The following ASAP1 variants were observed in gnomAD, a reference collection of about 807,000 sequenced individuals.
The protein encoded by ASAP1 is ArfGAP with SH3 domain, ankyrin repeat and PH domain 1.
ASAP1 carries 43 observed loss-of-function variants against 145.2 expected under a neutral mutation model. The observed-to-expected ratio is 0.30, with a 90% CI of 0.23 to 0.38. The LOEUF is 0.38. Among genes scored for constraint, ASAP1 ranks in the 10% least tolerant of loss-of-function variants. The pLI, the probability that ASAP1 is intolerant of heterozygous loss-of-function variation, is 1.00. For missense variants in ASAP1, 1,018 were observed against 1,355.3 expected, an observed-to-expected ratio of 0.75 and a Z score of 3.91; for synonymous variants, 546 against 515.5, an observed-to-expected ratio of 1.06 and a Z score of -0.80.
intron 13 of ASAP1, 38 bp from the exon 14 acceptor site, chr8:130,137,076 T>C (rs1479986647): frequency 1.9e-6 from 3 of 1,545,226 alleles, no homozygotes; most frequent in South Asian, 1.1e-5. Flanking sequence ...TACATGCAGC[T>C]CCACTCTCTT....
At chr8:130,369,793 C>T (rs1200088724) in intron 2 of ASAP1, among the ~76,000 whole-genome samples, 3 of 152,190 alleles carry the variant, frequency 2.0e-5, no homozygotes, top group African/African-American at 4.8e-5. Context: ...GGTGGAGTAG[C>T]TTTGAAAGAC....
intron 5 of ASAP1, among the ~76,000 whole-genome samples, chr8:130,192,363 C>G (rs1310301948): frequency 6.6e-6 from 1 of 151,604 alleles, no homozygotes; most frequent in Non-Finnish European, 1.5e-5. Flanking sequence ...TAAAAAGGCT[C>G]TTGGGGAAAA....
intron 27 of ASAP1, 35 bp downstream of exon 27, chr8:130,076,313 T>A (rs1408966556): frequency 6.4e-7 from 1 of 1,552,456 alleles, no homozygotes; most frequent in Non-Finnish European, 8.8e-7. Context: ...AGTGACACTT[T>A]AATTACATGT....
intron 18 of ASAP1, 39 bp downstream of exon 18, chr8:130,123,974 G>T: frequency 7.1e-7 from 1 of 1,414,568 alleles, no homozygotes; most frequent in Non-Finnish European, 9.9e-7. Context: ...AACAATTATA[G>T]AATGGTTTAA....
intron 3 of ASAP1, among the ~76,000 whole-genome samples, chr8:130,353,431 C>A (rs1366086963): frequency 1.3e-5 from 2 of 152,184 alleles, no homozygotes; most frequent in African/African-American, 4.8e-5. Flanking sequence ...CACTAAGCCT[C>A]CAAGGAACTT....
In ASAP1 at chr8:130,060,941, T is replaced by C; in HGVS notation, c.2830A>G (p.Thr944Ala). Residue 944 changes from threonine (T) to alanine (A), a missense_variant, in exon 28 of 30, where the codon ACA becomes GCA. Thr to Ala is a moderately conservative substitution (Grantham distance 58). Around this residue, in one of 9 missense-constraint regions of ASAP1, gnomAD observed 139 missense variants for 131.0 expected, o/e 1.06. Transcript: ENST00000518721. ...PPPGDLPPKP[T>A]ELAPKPQIGD... ...ATTTGGGGCTTGGGGGCCAGTTCTG[T>C]GGGCTTTGGGGGCAGGTCTCCAGGT... 3 of 1,608,164 alleles carry C rather than the reference T, an allele frequency of 1.9e-6. No individual in the cohort carries two copies. The highest frequency in any genetic ancestry group is 2.5e-6 in the Non-Finnish European group (3 of 1,176,670).
At chr8:130,123,077 A>G (rs1434727403) in intron 18 of ASAP1, among the ~76,000 whole-genome samples, 2 of 151,996 alleles carry the variant, frequency 1.3e-5, no homozygotes, top group Non-Finnish European at 2.9e-5. Context: ...TTTTTTTTCC[A>G]TCTGCATAGT....
chr8:130,340,842 C>T (rs775067936), intron 3 of ASAP1: 6 of 453,278 alleles, frequency 1.3e-5, no homozygotes, highest in South Asian at 9.4e-5. Context: ...AGCTTAATAC[C>T]TTGTGACTCT....
intron 12 of ASAP1, among the ~76,000 whole-genome samples, chr8:130,156,579 G>A (rs2135989004): frequency 6.6e-6 from 1 of 152,334 alleles, no homozygotes; most frequent in African/African-American, 2.4e-5. Context: ...GAAGTCAAGG[G>A]GGTGAATTTG....
chr8:130,426,149 T>C (rs1332333509), intron 1 of ASAP1, among the ~76,000 whole-genome samples: 1 of 152,128 alleles, frequency 6.6e-6, no homozygotes, highest in Non-Finnish European at 1.5e-5. Flanking sequence ...TGCTGTCTCA[T>C]GATAAACTCT....
At chr8:130,210,715 T>C (rs566313987) in intron 5 of ASAP1, among the ~76,000 whole-genome samples, 36 of 152,322 alleles carry the variant, frequency 2.4e-4, no homozygotes, top group African/African-American at 8.2e-4. Flanking sequence ...CAAGGCATAA[T>C]CTGTAGCCAC....
intron 17 of ASAP1, 78 bp downstream of exon 17, chr8:130,125,878 C>A: frequency 7.0e-7 from 1 of 1,437,918 alleles, no homozygotes; most frequent in Non-Finnish European, 9.3e-7. Context: ...AGCAGACATA[C>A]AAAAAAAATC....
At chr8:130,398,438 A>T (rs1338439752) in intron 2 of ASAP1, among the ~76,000 whole-genome samples, 2 of 152,232 alleles carry the variant, frequency 1.3e-5, no homozygotes, top group African/African-American at 2.4e-5. Context: ...AGAGAAGTAG[A>T]AGTAGTCACA....
chr8:130,373,145 CA>C (rs1827307380), intron 2 of ASAP1, among the ~76,000 whole-genome samples: 1 of 146,154 alleles, frequency 6.8e-6, no homozygotes, highest in African/African-American at 2.6e-5. Context: ...CACACACACA[CA>C]CACAGAGTCT....
At chr8:130,060,486 A>G (rs2097416660) in intron 28 of ASAP1, 93 bp downstream of exon 28, 1 of 1,479,870 alleles carries the variant, frequency 6.8e-7, no homozygotes, top group Non-Finnish European at 9.1e-7. Flanking sequence ...GCAAGCTCTC[A>G]CTTTTTCTTG....
chr8:130,103,867 T>C (rs2097532845), intron 24 of ASAP1, among the ~76,000 whole-genome samples: 1 of 152,228 alleles, frequency 6.6e-6, no homozygotes, highest in Non-Finnish European at 1.5e-5. Flanking sequence ...CTTTTTAGTA[T>C]TGTTTTTACT....
At chr8:130,255,331 C>T (rs938956604) in intron 3 of ASAP1, among the ~76,000 whole-genome samples, 4 of 152,122 alleles carry the variant, frequency 2.6e-5, no homozygotes, top group African/African-American at 7.2e-5. Context: ...CTCTAAAACG[C>T]TATTTTCTTT....
In ASAP1 at chr8:130,153,936, G is replaced by A. The variant is rs1021123152; in HGVS notation, c.1011-1131C>T. On this transcript the variant is annotated intron_variant, in intron 12 of 29. Coordinates refer to ENST00000518721, the MANE Select transcript of ASAP1 (RefSeq NM_018482.4). ...TGGTTGGGCATGGTGGCTCATGCCCGTAATCCCAGCACTCTGGGAGGCTGA... is the reference window on the plus strand; with the variant it reads ...TGGTTGGGCATGGTGGCTCATGCCCATAATCCCAGCACTCTGGGAGGCTGA... 3.9e-5 allele frequency among the ~76,000 whole-genome samples: 6 copies of A among 152,244 alleles called. No individual in the cohort carries two copies. In the East Asian group the frequency reaches 9.6e-4, roughly 24 times the overall value.
chr8:130,339,076 G>A (rs1214833180), intron 3 of ASAP1, among the ~76,000 whole-genome samples: 1 of 152,166 alleles, frequency 6.6e-6, no homozygotes, highest in Non-Finnish European at 1.5e-5. Context: ...CAAGCTCAAG[G>A]AATCCTAAGG....
Sources: gnomAD v4.1 joint callset for allele counts (sites outside exome capture counted in the v4.1 genomes callset) on GRCh38, gnomAD v4.1.1 for gene constraint, gnomAD v4.1.1 regional missense constraint, MANE v1.5 for transcripts, NCBI Gene and HGNC (gene_info 2026-07-23, HGNC 2026-07-21) for gene names.